The following PAQR9 variants were observed in gnomAD, a reference collection of about 807,000 sequenced individuals.
The protein encoded by PAQR9 is membrane progestin receptor epsilon.
A neutral mutation model predicts 24.0 loss-of-function variants in PAQR9; 12 were observed. That is an observed-to-expected ratio of 0.50 (90% confidence interval 0.32 to 0.81). The LOEUF is 0.81. PAQR9 is among the 30% of genes least tolerant of loss of function. PAQR9 has a pLI of 0.03. For missense variants in PAQR9, 418 were observed against 520.8 expected, an observed-to-expected ratio of 0.80 and a Z score of 1.92; for synonymous variants, 266 against 237.6, an observed-to-expected ratio of 1.12 and a Z score of -1.10.
chr3:142,951,057 G>T (rs60728807), downstream of PAQR9, among the ~76,000 whole-genome samples: 1,427 of 152,200 alleles, frequency 9.4e-3, 25 homozygotes, highest in African/African-American at 0.033. Context: ...ATTGTTCATA[G>T]GATTTATTTT....
At chr3:142,964,003 G>A (rs1934977075), upstream of PAQR9, 4 of 471,454 alleles carry the variant, frequency 8.5e-6, no homozygotes, top group Non-Finnish European at 1.1e-5. Context: ...CGTTCTGGAG[G>A]ACACTGGGGA....
downstream of PAQR9, chr3:142,949,718 A>G (rs1934688978): frequency 6.6e-6 from 1 of 152,196 alleles, no homozygotes; most frequent in African/African-American, 2.4e-5. Context: ...GAAGAGAGAA[A>G]GTAATTCAAA....
At position 142,961,304 on chromosome 3, in the gene PAQR9, AAAAAC is replaced by A. The variant is rs1934884572; in HGVS notation, c.*894_*898del. The A allele has an allele frequency of 6.6e-6, 1 of 152,640 alleles. No individual in the cohort carries two copies. The highest frequency in any genetic ancestry group is 1.5e-5 in the Non-Finnish European group (1 of 68,042). 9.5% of individuals were successfully genotyped at this position (152,640 alleles called of 1,614,324 possible). A position where few individuals can be genotyped will look rare whatever the true frequency, so the allele number is the denominator to read the frequency against. On this transcript the variant is annotated 3_prime_UTR_variant, in exon 1 of 1. Transcript: ENST00000340634. The stretch of plus-strand genomic sequence containing the variant: ...AAGTAGAGAAGGAAAAAAAAAGATT[AAAAAC>A]AAAACAAACTAACAAAAACCAGGAT...
downstream of PAQR9, chr3:142,951,620 A>T: frequency 2.3e-6 from 1 of 440,762 alleles, no homozygotes; most frequent in Non-Finnish European, 4.5e-6. Context: ...TCACTAGAAG[A>T]ATTACAGGAG....
At position 142,962,457 on chromosome 3, in the gene PAQR9, T is replaced by C; in HGVS notation, c.880A>G (p.Lys294Glu). The part of the protein sequence containing the change: ...LVVAAFFNVS[K>E]IPERIQPGLF... Reference sequence around the variant, plus strand: ...CCCGGCTGGATGCGCTCGGGGATCTTGCTCACGTTGAAGAAGGCGGCCACC... The same window carrying C: ...CCCGGCTGGATGCGCTCGGGGATCTCGCTCACGTTGAAGAAGGCGGCCACC... The change falls in exon 1 of 1, where the codon AAG becomes GAG. Residue 294 changes from lysine (K) to glutamate (E), a missense_variant. This residue lies in a region of PAQR9 where 230 missense variants were observed against 305.2 expected (regional missense o/e 0.75). Transcript: ENST00000340634. The C allele has an allele frequency of 6.2e-7, 1 of 1,613,750 alleles. No homozygotes were observed. The highest frequency in any genetic ancestry group is 8.5e-7 in the Non-Finnish European group (1 of 1,179,930).
Position 142,962,914 on chromosome 3 carries a change from C to A in PAQR9, c.423G>T (p.Val141=), listed in dbSNP as rs1312542549. ...GCAGACGCAGCGACAGGCAGCTGAA[C>A]ACGTGCGCCGTGCAGCTCATGGCGA... ...LTFAMSCTAH[V]FSCLSLRLRA... Residue 141 remains valine (V), a synonymous_variant, in exon 1 of 1, where the codon GTG becomes GTT. Coordinates refer to ENST00000340634, the MANE Select transcript of PAQR9 (RefSeq NM_198504.4). 2 of 1,613,850 alleles carry A rather than the reference C, an allele frequency of 1.2e-6. No homozygotes were observed. Among genetic ancestry groups the A allele is most frequent in the Admixed American group, 3.3e-5 (2 of 60,024 alleles).
downstream of PAQR9, chr3:142,952,972 T>TA (rs1934739024): frequency 2.3e-6 from 1 of 439,076 alleles, no homozygotes; most frequent in Admixed American, 2.4e-5. Flanking sequence ...GCTCAAGAGA[T>TA]ACGAGACAGC....
chr3:142,949,180 C>G (rs3913352), exon 3 of PAQR9: 1 of 151,990 alleles, frequency 6.6e-6, no homozygotes, highest in African/African-American at 2.4e-5. Flanking sequence ...GGCTTATTAC[C>G]TGTATCTGTA....
Position 142,956,290 on chromosome 3 carries a change from G to A in PAQR9, c.*5913C>T, listed in dbSNP as rs9811692. ...AGAAGCAGGGCCATCTTTACAGCAC[G>A]GCCAAATGACCACCTGAAGACCCCC... On this transcript the variant is annotated 3_prime_UTR_variant, in exon 1 of 1. Coordinates refer to ENST00000340634, the MANE Select transcript of PAQR9 (RefSeq NM_198504.4). Among the ~76,000 whole-genome samples, 491 of 152,182 alleles carry A rather than the reference G, an allele frequency of 3.2e-3. 3 individuals carry two copies. Among genetic ancestry groups the A allele is most frequent in the African/African-American group, 0.01 (429 of 41,512 alleles).
chr3:142,961,291 A>G lies in PAQR9; in HGVS notation c.*912T>C, dbSNP rs771800632. On this transcript the variant is annotated 3_prime_UTR_variant, in exon 1 of 1. Coordinates refer to ENST00000340634, the MANE Select transcript of PAQR9 (RefSeq NM_198504.4). ...TGGCAATTTAAATAAGTAGAGAAGG[A>G]AAAAAAAAGATTAAAAACAAAACAA... The G allele has an allele frequency of 6.6e-6, 1 of 152,062 alleles. No individual in the cohort carries two copies. The highest frequency in any genetic ancestry group is 2.4e-5 in the African/African-American group (1 of 41,236). 9.4% of individuals were successfully genotyped at this position (152,062 alleles called of 1,614,324 possible).
In PAQR9 at chr3:142,955,735, G is replaced by T. The variant is rs1179918353; in HGVS notation, c.*6468C>A. ...TCATAGCCTCCAGAAAAGAAAACTAGCCTGTTTGAAAAGTAGACCTTCTGT... is the reference window on the plus strand; with the variant it reads ...TCATAGCCTCCAGAAAAGAAAACTATCCTGTTTGAAAAGTAGACCTTCTGT... On this transcript the variant is annotated 3_prime_UTR_variant, in exon 1 of 1. Transcript: ENST00000340634. Among the ~76,000 whole-genome samples, 1 of 152,142 alleles carries T rather than the reference G, an allele frequency of 6.6e-6. No homozygotes were observed. The highest frequency in any genetic ancestry group is 1.5e-5 in the Non-Finnish European group (1 of 68,030).
chr3:142,963,228 G>C lies in PAQR9; in HGVS notation c.109C>G (p.Pro37Ala). 1 of 1,550,916 alleles carries C rather than the reference G, an allele frequency of 6.4e-7. No individual in the cohort carries two copies. The highest frequency in any genetic ancestry group is 1.2e-5 in the South Asian group (1 of 84,684). Residue 37 changes from proline (P) to alanine (A), a missense_variant, in exon 1 of 1, where the codon CCC becomes GCC. By Grantham distance (27) the Pro-to-Ala change is conservative. Coordinates refer to ENST00000340634, the MANE Select transcript of PAQR9 (RefSeq NM_198504.4). ...RNSHSAASRD[P>A]PASAKPLLRW... ...AGCAGCGGCTTGGCAGACGCTGGGGGGTCCCGGGAGGCGGCAGAGTGGGAG... is the reference window on the plus strand; with the variant it reads ...AGCAGCGGCTTGGCAGACGCTGGGGCGTCCCGGGAGGCGGCAGAGTGGGAG...
chr3:142,952,491 G>A (rs2108237928), downstream of PAQR9, among the ~76,000 whole-genome samples: 1 of 152,300 alleles, frequency 6.6e-6, no homozygotes, highest in Non-Finnish European at 1.5e-5. Flanking sequence ...TGAGAAGTTA[G>A]CAAATTTTAT....
chr3:142,955,442 TAAAAAAAAAAAAAAAAAAAA>T lies in PAQR9; in HGVS notation c.*6741_*6760del, dbSNP rs150071656. Among the ~76,000 whole-genome samples the T allele has an allele frequency of 3.7e-4, 8 of 21,576 alleles. No individual in the cohort carries two copies. Among genetic ancestry groups the T allele is most frequent in the Non-Finnish European group, 5.0e-4 (5 of 9,908 alleles). 14.2% of individuals were successfully genotyped at this position (21,576 alleles called of 152,430 possible). A position where few individuals can be genotyped will look rare whatever the true frequency, so the allele number is the denominator to read the frequency against. ...GAGCGACCACATGGTCTATACAAAT[TAAAAAAAAAAAAAAAAAAAA>T]AAAAAAAAAAAAAAAGCAGCCACAG... On this transcript the variant is annotated 3_prime_UTR_variant, in exon 1 of 1. Coordinates refer to ENST00000340634, the MANE Select transcript of PAQR9 (RefSeq NM_198504.4).
In PAQR9 at chr3:142,962,326, G is replaced by C; in HGVS notation, c.1011C>G (p.Leu337=). The C allele has an allele frequency of 1.2e-6, 2 of 1,614,092 alleles. No homozygotes were observed. The highest frequency in any genetic ancestry group is 1.7e-5 in the Admixed American group (1 of 60,022). The change falls in exon 1 of 1, where the codon CTC becomes CTG. Residue 337 remains leucine, a synonymous_variant. Transcript: ENST00000340634. The part of the protein sequence containing the change: ...YYVEEGLRQF[L]QAPPAAPTFS... ...AAGTGGGTGCGGCAGGCGGCGCCTG[G>C]AGGAACTGGCGCAGGCCCTCTTCTA...
At chr3:142,950,729 A>G (rs898567179), downstream of PAQR9, among the ~76,000 whole-genome samples, 1 of 152,226 alleles carries the variant, frequency 6.6e-6, no homozygotes, top group Non-Finnish European at 1.5e-5. Context: ...CTTGGATTGC[A>G]GTCCCACCAA....
rs569927952 is a variant in PAQR9, at chr3:142,956,204, T to G, written c.*5999A>C. Reference sequence around the variant, plus strand: ...AAGAAATGAAATTGTGTCCCCATGCTTTATCTAGAAACAAGAGTTTATTTA... The same window carrying G: ...AAGAAATGAAATTGTGTCCCCATGCGTTATCTAGAAACAAGAGTTTATTTA... On this transcript the variant is annotated 3_prime_UTR_variant, in exon 1 of 1. Transcript: ENST00000340634. 6.6e-6 allele frequency among the ~76,000 whole-genome samples: 1 copy of G among 152,360 alleles called. No homozygotes were observed. The highest frequency in any genetic ancestry group is 1.9e-4 in the East Asian group (1 of 5,192).
chr3:142,953,736 C>T (rs1934751116), downstream of PAQR9, among the ~76,000 whole-genome samples: 1 of 152,280 alleles, frequency 6.6e-6, no homozygotes, highest in Non-Finnish European at 1.5e-5. Flanking sequence ...GGGAACTAAC[C>T]TCCACCCTCC....
rs1345054684 is a variant in PAQR9 at position 142,963,557 on chromosome 3, G to T, written c.-221C>A. 19 of 977,220 alleles carry T rather than the reference G, an allele frequency of 1.9e-5. No individual in the cohort carries two copies. The highest frequency in any genetic ancestry group is 2.3e-5 in the Non-Finnish European group (19 of 821,560). The allele number at this position is 977,220 out of a possible 1,614,324, so 60.5% of individuals were successfully genotyped here. ...GCAGCGCTGCGACCGCCAGGAGCGC[G>T]GAGCGCGCGAGGCTCAGCGGCTTCC... On this transcript the variant is annotated 5_prime_UTR_variant, in exon 1 of 1. Coordinates refer to ENST00000340634, the MANE Select transcript of PAQR9 (RefSeq NM_198504.4).
Sources: gnomAD v4.1 joint callset for allele counts (sites outside exome capture counted in the v4.1 genomes callset) on GRCh38, gnomAD v4.1.1 for gene constraint, gnomAD v4.1.1 regional missense constraint, MANE v1.5 for transcripts, NCBI Gene and HGNC (gene_info 2026-07-23, HGNC 2026-07-21) for gene names.